Variants in VPS13D observed in about 807,000 individuals in gnomAD.
VPS13D encodes the protein vacuolar protein sorting 13 homolog D.
A neutral mutation model predicts 461.9 loss-of-function variants in VPS13D; 187 were observed. The observed-to-expected ratio is 0.40, with a 90% CI of 0.36 to 0.46. VPS13D has a LOEUF of 0.46. Ranked by LOEUF, VPS13D falls within the 20% of genes least tolerant of loss-of-function variation. The probability of loss-of-function intolerance (pLI) is 0.60; values close to 1 mark genes in which losing one functional copy is unlikely to be tolerated. For synonymous variants in VPS13D, 1,951 were observed against 1,986.3 expected, an observed-to-expected ratio of 0.98 and a Z score of 0.47; for missense variants, 4,711 against 5,364.9, an observed-to-expected ratio of 0.88 and a Z score of 3.81.
chr1:12,313,893 C>A (rs966763284), intron 29 of VPS13D, among the ~76,000 whole-genome samples: 16 of 152,180 alleles, frequency 1.1e-4, no homozygotes, highest in Non-Finnish European at 1.9e-4. Flanking sequence ...TGAACAAGAT[C>A]ATCTCTTTGG....
chr1:12,238,353 C>T lies in VPS13D; in HGVS notation c.97+3990C>T, dbSNP rs373493999. Among the ~76,000 whole-genome samples the T allele has an allele frequency of 6.0e-5, 9 of 151,206 alleles. 1 individual carries two copies. Among genetic ancestry groups the T allele is most frequent in the Admixed American group, 4.0e-4 (6 of 15,134 alleles). ...CTGAGGAGGCTGAGGCAGGAAGATC[C>T]CTTGGTCCCAAGAGTTTGAGGCTGC... On this transcript the variant is annotated intron_variant, in intron 2 of 69. Coordinates refer to ENST00000620676, the MANE Select transcript of VPS13D (RefSeq NM_015378.4).
chr1:12,321,206 T>C (rs187494292), intron 32 of VPS13D, among the ~76,000 whole-genome samples: 1 of 152,332 alleles, frequency 6.6e-6, no homozygotes, highest in Admixed American at 6.5e-5. Flanking sequence ...CAGAATAATA[T>C]AATGAACTCC....
intron 43 of VPS13D, among the ~76,000 whole-genome samples, 168 bp downstream of exon 43, chr1:12,345,677 C>A (rs28451537): frequency 6.6e-6 from 1 of 152,132 alleles, no homozygotes; most frequent in South Asian, 2.1e-4. Flanking sequence ...GATAAGCCAG[C>A]CAATGGTTAG....
intron 68 of VPS13D, among the ~76,000 whole-genome samples, chr1:12,504,332 C>A (rs1646076075): frequency 6.6e-6 from 1 of 152,136 alleles, no homozygotes; most frequent in Non-Finnish European, 1.5e-5. Context: ...CTTCTTCAGC[C>A]AGACCCTTGG....
At chr1:12,460,600 A>G (rs1166715179) in intron 67 of VPS13D, among the ~76,000 whole-genome samples, 2 of 150,750 alleles carry the variant, frequency 1.3e-5, no homozygotes, top group East Asian at 3.9e-4. Context: ...TCAGATAAAT[A>G]TATATATAGC....
intron 68 of VPS13D, among the ~76,000 whole-genome samples, chr1:12,503,740 G>A (rs1287883199): frequency 6.6e-6 from 1 of 152,258 alleles, no homozygotes; most frequent in East Asian, 1.9e-4. Context: ...CTGAGACCAC[G>A]GTGGCCTTCT....
intron 25 of VPS13D, among the ~76,000 whole-genome samples, chr1:12,300,662 T>C (rs1642400432): frequency 6.6e-6 from 1 of 152,232 alleles, no homozygotes; most frequent in South Asian, 2.1e-4. Context: ...TGAGGACTGT[T>C]GTTATTTGTG....
chr1:12,321,261 T>G (rs1368185581), intron 32 of VPS13D, among the ~76,000 whole-genome samples: 9 of 152,204 alleles, frequency 5.9e-5, no homozygotes, highest in Non-Finnish European at 1.3e-4. Flanking sequence ...TATTTTTAAT[T>G]ATGAAGATAT....
At chr1:12,427,118 A>G (rs1293154033) in intron 65 of VPS13D, among the ~76,000 whole-genome samples, 1 of 152,038 alleles carries the variant, frequency 6.6e-6, no homozygotes, top group Non-Finnish European at 1.5e-5. Context: ...ATCATTCCTT[A>G]TTGGAAGAAT....
intron 67 of VPS13D, among the ~76,000 whole-genome samples, chr1:12,462,733 G>A (rs1365630810): frequency 3.3e-5 from 5 of 152,192 alleles, no homozygotes; most frequent in Admixed American, 3.3e-4. Context: ...CTTCCCTGCT[G>A]ACTCAAGATT....
Position 12,299,173 on chromosome 1 carries a change from C to A in VPS13D, c.6034-29C>A. On this transcript the variant is annotated intron_variant, in intron 24 of 69. Coordinates refer to ENST00000620676, the MANE Select transcript of VPS13D (RefSeq NM_015378.4). This position sits in a 1 kb window ranked among gnomAD's most constrained non-coding sequence, Gnocchi z 4.2. ...TGGTAAAATTAGGGAATTAATTATC[C>A]TCTGAGTCAGTTTTCCTTCCTCTTT... 2 of 1,538,382 alleles carry A rather than the reference C, an allele frequency of 1.3e-6. No individual in the cohort carries two copies. The highest frequency in any genetic ancestry group is 2.3e-5 in the Admixed American group (1 of 44,100).
intron 65 of VPS13D, among the ~76,000 whole-genome samples, chr1:12,436,074 A>T (rs928261997): frequency 2.6e-5 from 4 of 152,220 alleles, no homozygotes; most frequent in Admixed American, 6.5e-5. Flanking sequence ...GACAACTAGA[A>T]ATGCCAGGCT....
intron 58 of VPS13D, 48 bp from the exon 59 acceptor site, chr1:12,385,212 A>G (rs750538613): frequency 6.7e-7 from 1 of 1,494,678 alleles, no homozygotes; most frequent in South Asian, 1.1e-5. Flanking sequence ...AATAGGTTTC[A>G]ATAAGGAAGA....
chr1:12,415,928 G>A (rs1031160511), intron 64 of VPS13D, among the ~76,000 whole-genome samples: 2 of 152,062 alleles, frequency 1.3e-5, no homozygotes, highest in Admixed American at 6.5e-5. Context: ...CCTGTAATCC[G>A]AGTACTTGGT....
At position 12,288,128 on chromosome 1, in the gene VPS13D, C is replaced by T. The variant is rs562220221; in HGVS notation, c.5635-95C>T. Reference sequence around the variant, plus strand: ...AAGCATTACCTTCAAGTTTCCCAAGCCTTTTTGCATTTTCCTTGATTGCTC... The same window carrying T: ...AAGCATTACCTTCAAGTTTCCCAAGTCTTTTTGCATTTTCCTTGATTGCTC... On this transcript the variant is annotated intron_variant, in intron 21 of 69. Transcript: ENST00000620676. 8.4e-6 allele frequency: 9 copies of T among 1,074,638 alleles called. No homozygotes were observed. The South Asian group carries it at 1.1e-4, about 13-fold the overall frequency. The allele number at this position is 1,074,638 out of a possible 1,614,324, so 66.6% of individuals were successfully genotyped here.
chr1:12,441,134 C>A lies in VPS13D; in HGVS notation c.12334-14864C>A, dbSNP rs1010649225. 2.2e-4 allele frequency among the ~76,000 whole-genome samples: 34 copies of A among 152,176 alleles called. 1 individual carries two copies. The Middle Eastern group carries it at 0.014, about 61-fold the overall frequency. The stretch of plus-strand genomic sequence containing the variant: ...AGAGACGGGGTTTCGCCATGTTGAC[C>A]AGGCTGGTCTCAAAACTCCTGACGT... On this transcript the variant is annotated intron_variant, in intron 65 of 69. Coordinates refer to ENST00000620676, the MANE Select transcript of VPS13D (RefSeq NM_015378.4).
chr1:12,272,392 G>T (rs1265709850), intron 17 of VPS13D, among the ~76,000 whole-genome samples: 4 of 143,126 alleles, frequency 2.8e-5, no homozygotes, highest in South Asian at 2.3e-4. Context: ...TTTTTGTTTT[G>T]GTGTGTGTGT....
intron 23 of VPS13D, among the ~76,000 whole-genome samples, chr1:12,292,945 C>T (rs910713607): frequency 1.3e-5 from 2 of 152,154 alleles, no homozygotes; most frequent in African/African-American, 4.8e-5. Context: ...AATAAGTACT[C>T]AGCAATGTTG....
chr1:12,402,864 C>A (rs1419403093), intron 62 of VPS13D, among the ~76,000 whole-genome samples: 1 of 152,210 alleles, frequency 6.6e-6, no homozygotes, highest in African/African-American at 2.4e-5. Context: ...GAAGTGGGAG[C>A]TGACTAAGGG....
Sources: allele counts gnomAD v4.1 joint callset (sites outside exome capture counted in the v4.1 genomes callset), GRCh38; gene constraint gnomAD v4.1.1; non-coding constraint Gnocchi (gnomAD v3.1); transcripts MANE v1.5; gene names NCBI Gene and HGNC (gene_info 2026-07-23, HGNC 2026-07-21).